Variants in CPLANE1 observed in about 807,000 individuals in gnomAD.
CPLANE1 encodes the protein ciliogenesis and planar polarity effector complex subunit 1, also known as ciliogenesis and planar polarity effector 1.
A neutral mutation model predicts 362.5 loss-of-function variants in CPLANE1; 263 were observed. The ratio of observed to expected loss-of-function variants is 0.73; its 90% CI spans 0.66 to 0.80. The LOEUF (loss-of-function observed/expected upper bound fraction) is 0.80, where lower values mean the gene tolerates loss of function less well. Among genes scored for constraint, CPLANE1 ranks in the 30% least tolerant of loss-of-function variants. The pLI, the probability that CPLANE1 is intolerant of heterozygous loss-of-function variation, is 0.00. For synonymous variants in CPLANE1, 1,212 were observed against 1,302.6 expected (o/e 0.93, Z 1.50); for missense variants, 3,461 against 3,793.4 (o/e 0.91, Z 2.30).
intron 46 of CPLANE1, among the ~76,000 whole-genome samples, chr5:37,130,085 G>A (rs1480995908): frequency 6.6e-6 from 1 of 152,092 alleles, no homozygotes; most frequent in Admixed American, 6.5e-5. Context: ...ATGAAATAAC[G>A]GCATTCGCAG....
At chr5:37,127,284 C>T (rs1764406977) in intron 46 of CPLANE1, among the ~76,000 whole-genome samples, 1 of 152,166 alleles carries the variant, frequency 6.6e-6, no homozygotes, top group African/African-American at 2.4e-5. Flanking sequence ...TGGGGACCCC[C>T]AGCACAGGGT....
At chr5:37,085,681 G>A in the CPLANE1 span, 2 of 1,130,044 alleles carry the variant, frequency 1.8e-6, no homozygotes, top group South Asian at 1.2e-5. Flanking sequence ...CTTTTGACGT[G>A]GTTCACATGA....
At chr5:37,111,029 A>G (rs1759108517) in intron 51 of CPLANE1, among the ~76,000 whole-genome samples, 1 of 150,528 alleles carries the variant, frequency 6.6e-6, no homozygotes, top group Admixed American at 6.6e-5. Flanking sequence ...GGATGGTCTC[A>G]ATCTCCTGAC....
chr5:37,204,987 T>C (rs930002489), intron 18 of CPLANE1, among the ~76,000 whole-genome samples: 2 of 152,150 alleles, frequency 1.3e-5, no homozygotes, highest in Non-Finnish European at 2.9e-5. Flanking sequence ...TGAAACCCTG[T>C]CTCTACAAAC....
intron 19 of CPLANE1, among the ~76,000 whole-genome samples, chr5:37,201,349 C>T (rs1331860775): frequency 6.6e-6 from 1 of 152,120 alleles, no homozygotes; most frequent in African/African-American, 2.4e-5. Context: ...CAGGATATCT[C>T]AATCCTCACA....
intron 16 of CPLANE1, among the ~76,000 whole-genome samples, chr5:37,207,365 C>T (rs1027808684): frequency 6.6e-6 from 1 of 152,202 alleles, no homozygotes; most frequent in African/African-American, 2.4e-5. Flanking sequence ...TTTTCAACCA[C>T]TTGGATGTCT....
At chr5:37,126,765 A>C (rs1434487953) in intron 46 of CPLANE1, among the ~76,000 whole-genome samples, 2 of 152,190 alleles carry the variant, frequency 1.3e-5, no homozygotes, top group Admixed American at 6.5e-5. Flanking sequence ...GGGAGGCTGA[A>C]GTGGGACAGT....
chr5:37,167,691 T>G (rs530466785), intron 34 of CPLANE1, among the ~76,000 whole-genome samples: 1 of 152,224 alleles, frequency 6.6e-6, no homozygotes, highest in South Asian at 2.1e-4. Flanking sequence ...GGCAGGAGAA[T>G]CACTTGAATC....
intron 47 of CPLANE1, among the ~76,000 whole-genome samples, chr5:37,123,337 T>C (rs1256330504): frequency 3.3e-5 from 5 of 152,174 alleles, no homozygotes; most frequent in African/African-American, 4.8e-5. Flanking sequence ...AATTCACTTT[T>C]TCAAGGTCCT....
chr5:37,120,710 A>G (rs74572249), intron 49 of CPLANE1, among the ~76,000 whole-genome samples: 2 of 151,684 alleles, frequency 1.3e-5, no homozygotes, highest in African/African-American at 2.4e-5. Context: ...CTCAAACCTC[A>G]TTTTTTTTCA....
At chr5:37,139,545 T>C in intron 44 of CPLANE1, 175 bp from the exon 45 acceptor site, 2 of 1,122,524 alleles carry the variant, frequency 1.8e-6, no homozygotes, top group Non-Finnish European at 2.2e-6. Context: ...TGCTATCTGA[T>C]AGTGAATACT....
At chr5:37,081,434 T>C in the CPLANE1 span, among the ~76,000 whole-genome samples, 1 of 152,056 alleles carries the variant, frequency 6.6e-6, no homozygotes, top group African/African-American at 2.4e-5. Context: ...GTGATTCTCC[T>C]TGTTCAGCCT....
At chr5:37,229,257 A>G (rs927659196) in intron 9 of CPLANE1, among the ~76,000 whole-genome samples, 7 of 151,394 alleles carry the variant, frequency 4.6e-5, no homozygotes, top group Non-Finnish European at 7.4e-5. Flanking sequence ...CATTTTTGCT[A>G]AATATAATCG....
chr5:37,087,168 C>A, the CPLANE1 span, among the ~76,000 whole-genome samples: 2 of 152,088 alleles, frequency 1.3e-5, no homozygotes, highest in African/African-American at 4.8e-5. Context: ...AAAGAAGGCA[C>A]GCTAGATGTA....
chr5:37,153,790 T>C lies in CPLANE1; in HGVS notation c.8323A>G (p.Ile2775Val), dbSNP rs768561508. The change falls in exon 42 of 53, where the codon ATA (isoleucine) becomes GTA (valine). Residue 2775 changes from isoleucine (I) to valine (V), a missense_variant. This residue lies in a region of CPLANE1 where 3,380 missense variants were observed against 3,666.1 expected (regional missense o/e 0.92). Coordinates refer to ENST00000651892, the MANE Select transcript of CPLANE1 (RefSeq NM_001384732.1). Reference sequence around the variant, plus strand: ...TCAGGCTTGGGGAAATCCTGTTCTATGTTTTCAGCAATGTTCTGTATTGCT... The same window carrying C: ...TCAGGCTTGGGGAAATCCTGTTCTACGTTTTCAGCAATGTTCTGTATTGCT... ...LLAIQNIAEN[I>V]EQDFPKPEML... 2 of 1,614,062 alleles carry C rather than the reference T, an allele frequency of 1.2e-6. No individual in the cohort carries two copies. Among genetic ancestry groups the C allele is most frequent in the Non-Finnish European group, 1.7e-6 (2 of 1,179,938 alleles).
In CPLANE1 at chr5:37,227,016, A is replaced by C. The variant is rs1178730858; in HGVS notation, c.1579T>G (p.Phe527Val). Residue 527 changes from phenylalanine to valine, a missense_variant, in exon 12 of 53, where the codon TTT (phenylalanine) becomes GTT (valine). Phe to Val is a conservative substitution (Grantham distance 50). Coordinates refer to ENST00000651892, the MANE Select transcript of CPLANE1 (RefSeq NM_001384732.1). ...GRHFPDNLCP[F>V]WNKRDDVLCS... The stretch of plus-strand genomic sequence containing the variant: ...AGCACATCATCTCTTTTGTTCCAAA[A>C]AGGACATAAGTTGTCTGGAAAGTGT... 1 of 1,549,894 alleles carries C rather than the reference A, an allele frequency of 6.5e-7. No homozygotes were observed. The highest frequency in any genetic ancestry group is 8.7e-7 in the Non-Finnish European group (1 of 1,146,576).
intron 16 of CPLANE1, chr5:37,212,477 GA>G (rs1305750356): frequency 1.9e-6 from 1 of 516,922 alleles, no homozygotes; most frequent in Non-Finnish European, 3.6e-6. Context: ...ATAAAACTCT[GA>G]ATAAAAATGT....
chr5:37,120,417 A>C, intron 49 of CPLANE1, 77 bp from the exon 50 acceptor site: 1 of 1,337,726 alleles, frequency 7.5e-7, no homozygotes, highest in Non-Finnish European at 1.0e-6. Flanking sequence ...CAAAAAGCCC[A>C]AATTAAGCTG....
At position 37,221,325 on chromosome 5, in the gene CPLANE1, T is replaced by C; in HGVS notation, c.2745A>G (p.Ser915=). 6.7e-7 allele frequency: 1 copy of C among 1,490,824 alleles called. No individual in the cohort carries two copies. Among genetic ancestry groups the C allele is most frequent in the Middle Eastern group, 1.8e-4 (1 of 5,688 alleles). The allele number at this position is 1,490,824 out of a possible 1,614,324, so 92.3% of individuals were successfully genotyped here. A position where few individuals can be genotyped will look rare whatever the true frequency, so the allele number is the denominator to read the frequency against. ...QLPVKENKDF[S]GAAKSHFECG... is the part of the protein sequence containing the mutation. ...AAAGAAAGAAAAAAAAAAGCATACC[T>C]GAAAAATCTTTATTTTCTTTTACAG... Residue 915 remains serine (S), a splice_region_variant and synonymous_variant, in exon 15 of 53, where the codon TCA becomes TCG. Coordinates refer to ENST00000651892, the MANE Select transcript of CPLANE1 (RefSeq NM_001384732.1).
Sources: gnomAD v4.1 joint callset for allele counts (sites outside exome capture counted in the v4.1 genomes callset) on GRCh38, gnomAD v4.1.1 for gene constraint, gnomAD v4.1.1 regional missense constraint, MANE v1.5 for transcripts, NCBI Gene and HGNC (gene_info 2026-07-23, HGNC 2026-07-21) for gene names.